The following SEMA5A variants were observed in gnomAD, a reference collection of about 807,000 sequenced individuals.
The protein encoded by SEMA5A is semaphorin 5A, also known as semaphorin-5A.
In SEMA5A, 55 loss-of-function variants were observed where a neutral mutation model predicts 135.5. The observed-to-expected ratio is 0.41, with a 90% CI of 0.33 to 0.51. The LOEUF is 0.51. Among genes scored for constraint, SEMA5A ranks in the 20% least tolerant of loss-of-function variants. The pLI, the probability that SEMA5A is intolerant of heterozygous loss-of-function variation, is 0.37. For missense variants in SEMA5A, 1,290 were observed against 1,419.9 expected (o/e 0.91, Z 1.47); for synonymous variants, 580 against 546.5 (o/e 1.06, Z -0.85).
intron 1 of SEMA5A, among the ~76,000 whole-genome samples, chr5:9,459,527 T>C (rs1158247090): frequency 6.6e-6 from 1 of 152,180 alleles, no homozygotes; most frequent in Non-Finnish European, 1.5e-5. Context: ...AAATTCTGCC[T>C]ACAGCCCAAG....
chr5:9,218,793 C>A (rs934531307), intron 8 of SEMA5A, among the ~76,000 whole-genome samples: 2 of 152,168 alleles, frequency 1.3e-5, no homozygotes, highest in Non-Finnish European at 2.9e-5. Flanking sequence ...CTTGAATGTG[C>A]CAGTAAAGAT....
intron 4 of SEMA5A, among the ~76,000 whole-genome samples, chr5:9,336,094 C>G (rs1360328200): frequency 6.6e-6 from 1 of 152,052 alleles, no homozygotes; most frequent in African/African-American, 2.4e-5. Flanking sequence ...CAGGTCCTTA[C>G]TACAAGTGGG....
chr5:9,141,823 T>C (rs1191541691), intron 12 of SEMA5A, among the ~76,000 whole-genome samples: 1 of 152,208 alleles, frequency 6.6e-6, no homozygotes, highest in East Asian at 1.9e-4. Flanking sequence ...ATAAGTACAA[T>C]TCCTCGTGCC....
chr5:9,192,321 G>T (rs1346274783), intron 10 of SEMA5A, among the ~76,000 whole-genome samples: 5 of 152,202 alleles, frequency 3.3e-5, no homozygotes, highest in Non-Finnish European at 7.3e-5. Flanking sequence ...CATTTCTCAG[G>T]GCTACTGTGA....
At chr5:9,257,682 T>A (rs1343399114) in intron 5 of SEMA5A, among the ~76,000 whole-genome samples, 1 of 152,126 alleles carries the variant, frequency 6.6e-6, no homozygotes, top group African/African-American at 2.4e-5. Flanking sequence ...CTTCTTACCC[T>A]TCCCCTTGGT....
chr5:9,348,178 C>A (rs1237739321), intron 3 of SEMA5A, among the ~76,000 whole-genome samples: 1 of 152,166 alleles, frequency 6.6e-6, no homozygotes, highest in African/African-American at 2.4e-5. Flanking sequence ...GCCTCACAGG[C>A]TAGAGTTGCC....
intron 11 of SEMA5A, among the ~76,000 whole-genome samples, chr5:9,185,351 C>A (rs556278509): frequency 6.6e-6 from 1 of 152,304 alleles, no homozygotes; most frequent in African/African-American, 2.4e-5. Flanking sequence ...CAGCTAGAAG[C>A]ATATAAACCT....
chr5:9,141,404 C>T (rs1034757524), intron 12 of SEMA5A, among the ~76,000 whole-genome samples: 2 of 152,050 alleles, frequency 1.3e-5, no homozygotes, highest in Admixed American at 6.6e-5. Context: ...TTTTGTACCC[C>T]ATAAATATAT....
In SEMA5A at chr5:9,195,680, T is replaced by C. The variant is rs549626431; in HGVS notation, c.1068+1488A>G. Among the ~76,000 whole-genome samples, 4 of 152,354 alleles carry C rather than the reference T, an allele frequency of 2.6e-5. No homozygotes were observed. In the East Asian group the frequency reaches 5.8e-4, roughly 22 times the overall value. On this transcript the variant is annotated intron_variant, in intron 10 of 22. Coordinates refer to ENST00000382496, the MANE Select transcript of SEMA5A (RefSeq NM_003966.3). ...GAAAGCAGCACATGGAAAGATGACA[T>C]GTAAGCCAGCCATCTTATTTTTAAT...
intron 1 of SEMA5A, among the ~76,000 whole-genome samples, chr5:9,498,226 C>G (rs1245114009): frequency 6.6e-6 from 1 of 152,014 alleles, no homozygotes; most frequent in Non-Finnish European, 1.5e-5. Context: ...GCCATATGGC[C>G]CCAGGAGGCA....
intron 5 of SEMA5A, among the ~76,000 whole-genome samples, chr5:9,243,516 A>C (rs1209738245): frequency 6.6e-6 from 1 of 152,178 alleles, no homozygotes; most frequent in Non-Finnish European, 1.5e-5. Flanking sequence ...AACCCAGTAC[A>C]AACAGCATGG....
At chr5:9,194,233 T>C (rs1219494143) in intron 10 of SEMA5A, among the ~76,000 whole-genome samples, 1 of 152,206 alleles carries the variant, frequency 6.6e-6, no homozygotes, top group Non-Finnish European at 1.5e-5. Context: ...CCTAGAGTGG[T>C]TTATATATTT....
intron 15 of SEMA5A, among the ~76,000 whole-genome samples, chr5:9,111,818 A>T (rs1740256632): frequency 6.6e-6 from 1 of 152,186 alleles, no homozygotes; most frequent in South Asian, 2.1e-4. Flanking sequence ...ATTGTGAGAA[A>T]GTGTTTTCCT....
At chr5:9,060,323 T>C (rs11953813) in intron 18 of SEMA5A, among the ~76,000 whole-genome samples, 3,499 of 152,268 alleles carry the variant, frequency 0.023, 149 homozygotes, top group African/African-American at 0.08. Flanking sequence ...AGAGTGTCTC[T>C]GAGATGAGTG....
intron 1 of SEMA5A, among the ~76,000 whole-genome samples, chr5:9,531,943 C>T (rs1737464649): frequency 6.6e-6 from 1 of 152,106 alleles, no homozygotes; most frequent in Non-Finnish European, 1.5e-5. Flanking sequence ...AATAGATGAC[C>T]ATCTCTCTAT....
At chr5:9,059,524 TA>T (rs35410103) in intron 18 of SEMA5A, among the ~76,000 whole-genome samples, 1 of 152,208 alleles carries the variant, frequency 6.6e-6, no homozygotes, top group Admixed American at 6.5e-5. Flanking sequence ...TTGATTAATT[TA>T]AAATGTGTTT....
intron 5 of SEMA5A, among the ~76,000 whole-genome samples, chr5:9,238,102 C>T (rs1210471780): frequency 6.6e-6 from 1 of 152,080 alleles, no homozygotes; most frequent in Non-Finnish European, 1.5e-5. Context: ...GACCTTCCCC[C>T]TTACTATTTG....
At chr5:9,452,877 C>T (rs569443649) in intron 1 of SEMA5A, among the ~76,000 whole-genome samples, 1 of 152,156 alleles carries the variant, frequency 6.6e-6, no homozygotes, top group African/African-American at 2.4e-5. Flanking sequence ...TTTTAAGGCT[C>T]CCAACGGGGT....
chr5:9,395,732 T>G (rs771484537), intron 2 of SEMA5A, among the ~76,000 whole-genome samples: 1 of 152,220 alleles, frequency 6.6e-6, no homozygotes, highest in Non-Finnish European at 1.5e-5. Flanking sequence ...CACATGTTTT[T>G]CTCTGTATGC....
Sources: gnomAD v4.1 joint callset for allele counts (sites outside exome capture counted in the v4.1 genomes callset) on GRCh38, gnomAD v4.1.1 for gene constraint, MANE v1.5 for transcripts, NCBI Gene and HGNC (gene_info 2026-07-23, HGNC 2026-07-21) for gene names.